Variants in EPHA5 observed in about 807,000 individuals in gnomAD.
EPHA5 encodes ephrin type-A receptor 5.
Under a neutral mutation model 105.0 loss-of-function variants are expected in EPHA5, and 60 were observed. The observed-to-expected ratio is 0.57, with a 90% CI of 0.46 to 0.71. The LOEUF (loss-of-function observed/expected upper bound fraction) is 0.71, where lower values mean the gene tolerates loss of function less well. Among genes scored for constraint, EPHA5 ranks in the 30% least tolerant of loss-of-function variants. The pLI is 0.00. For synonymous variants in EPHA5, 513 were observed against 449.1 expected (o/e 1.14, Z -1.80); for missense variants, 1,218 against 1,274.7 (o/e 0.96, Z 0.68).
intron 2 of EPHA5, among the ~76,000 whole-genome samples, chr4:65,636,539 A>C (rs1747136781): frequency 6.6e-6 from 1 of 152,052 alleles, no homozygotes; most frequent in South Asian, 2.1e-4. Context: ...TCATCTACAA[A>C]CAGAATATTA....
intron 2 of EPHA5, among the ~76,000 whole-genome samples, chr4:65,619,774 T>C (rs1745549842): frequency 6.6e-6 from 1 of 152,000 alleles, no homozygotes; most frequent in African/African-American, 2.4e-5. Context: ...TTCAATTTAA[T>C]GAAGTTATAC....
intron 8 of EPHA5, among the ~76,000 whole-genome samples, chr4:65,397,144 C>T (rs371980403): frequency 6.6e-6 from 1 of 152,184 alleles, no homozygotes; most frequent in East Asian, 1.9e-4. Flanking sequence ...GGAGACAGGT[C>T]ACTGCGTCCA....
intron 5 of EPHA5, among the ~76,000 whole-genome samples, chr4:65,479,344 T>C (rs1157922181): frequency 6.6e-6 from 1 of 152,112 alleles, no homozygotes; most frequent in Admixed American, 6.6e-5. Context: ...AACCAGAAAG[T>C]CCAGAGATTT....
chr4:65,615,284 T>C (rs997191474), intron 2 of EPHA5, among the ~76,000 whole-genome samples: 6 of 151,770 alleles, frequency 4.0e-5, no homozygotes, highest in African/African-American at 1.4e-4. Context: ...TTTAAAAACT[T>C]AGGTAGAAAT....
At chr4:65,549,212 T>A (rs1737660813) in intron 3 of EPHA5, among the ~76,000 whole-genome samples, 1 of 152,096 alleles carries the variant, frequency 6.6e-6, no homozygotes. Flanking sequence ...GGCCAGAAGA[T>A]AATAAAATGA....
In EPHA5 at chr4:65,456,913, T is replaced by C. The variant is rs539341748; in HGVS notation, c.1402+33464A>G. The stretch of plus-strand genomic sequence containing the variant: ...ATTAAAGTGCTTAGTGCCTGAAAAT[T>C]CATACCTCCAAGAGTTTATTTGCTA... On this transcript the variant is annotated intron_variant, in intron 5 of 16. Transcript: ENST00000613740. 4.6e-5 allele frequency among the ~76,000 whole-genome samples: 7 copies of C among 152,276 alleles called. No individual in the cohort carries two copies. The East Asian group carries it at 1.4e-3, about 29-fold the overall frequency.
chr4:65,591,437 T>A (rs1445563504), intron 3 of EPHA5, among the ~76,000 whole-genome samples: 1 of 151,990 alleles, frequency 6.6e-6, no homozygotes, highest in Non-Finnish European at 1.5e-5. Context: ...GGAGTATTTA[T>A]GCTAAAACTA....
At chr4:65,391,293 C>A (rs1720693090) in intron 8 of EPHA5, among the ~76,000 whole-genome samples, 1 of 152,100 alleles carries the variant, frequency 6.6e-6, no homozygotes, top group South Asian at 2.1e-4. Flanking sequence ...ATAACTATCA[C>A]AGCCATCAGC....
intron 5 of EPHA5, among the ~76,000 whole-genome samples, chr4:65,465,423 C>T (rs1431155189): frequency 6.9e-6 from 1 of 145,248 alleles, no homozygotes; most frequent in Non-Finnish European, 1.5e-5. Context: ...GAGACTCCAT[C>T]CCCCCACCCC....
In EPHA5 at chr4:65,669,551, C is replaced by T. The variant is rs1238766462; in HGVS notation, c.181+11G>A. ...CCCAGGTCGCCACGGTCCCCACCCCCATCTCCCTACCTTCGTTGCTGGGGC... is the reference window on the plus strand; with the variant it reads ...CCCAGGTCGCCACGGTCCCCACCCCTATCTCCCTACCTTCGTTGCTGGGGC... On this transcript the variant is annotated intron_variant, in intron 1 of 16. Transcript: ENST00000613740. The T allele has an allele frequency of 1.4e-6, 2 of 1,382,044 alleles. No individual in the cohort carries two copies. Among genetic ancestry groups the T allele is most frequent in the South Asian group, 2.0e-5 (1 of 51,058 alleles). 85.6% of individuals were successfully genotyped at this position (1,382,044 alleles called of 1,614,324 possible).
Position 65,353,028 on chromosome 4 carries a change from T to A in EPHA5, c.2235+14A>T. The A allele has an allele frequency of 6.7e-7, 1 of 1,496,792 alleles. No individual in the cohort carries two copies. Among genetic ancestry groups the A allele is most frequent in the Non-Finnish European group, 9.1e-7 (1 of 1,103,568 alleles). 92.7% of individuals were successfully genotyped at this position (1,496,792 alleles called of 1,614,324 possible). On this transcript the variant is annotated intron_variant, in intron 12 of 16. Transcript: ENST00000613740. ...AATAACACCTTGAATAACTAAATTA[T>A]TCCCCAATCCTACCTTCAAAAATGT...
chr4:65,651,390 C>A (rs1351580863), intron 1 of EPHA5, among the ~76,000 whole-genome samples: 1 of 152,216 alleles, frequency 6.6e-6, no homozygotes, highest in Admixed American at 6.5e-5. Flanking sequence ...GACATACTAA[C>A]TGATACAACT....
intron 9 of EPHA5, among the ~76,000 whole-genome samples, chr4:65,366,988 T>A (rs1717971548): frequency 6.6e-6 from 1 of 151,786 alleles, no homozygotes. Context: ...CCTGAGAAAT[T>A]TTATTTATTT....
intron 15 of EPHA5, among the ~76,000 whole-genome samples, chr4:65,334,311 C>T (rs1349224993): frequency 2.0e-5 from 3 of 151,840 alleles, no homozygotes; most frequent in Non-Finnish European, 4.4e-5. Context: ...TGATTTTTAG[C>T]CATTAGGCAT....
At chr4:65,398,167 C>T (rs899996930) in intron 8 of EPHA5, among the ~76,000 whole-genome samples, 1 of 152,174 alleles carries the variant, frequency 6.6e-6, no homozygotes, top group East Asian at 1.9e-4. Flanking sequence ...CTCAGAAGGG[C>T]CTGTTACCAC....
intron 5 of EPHA5, among the ~76,000 whole-genome samples, chr4:65,481,389 A>G (rs1184041787): frequency 2.0e-5 from 3 of 152,210 alleles, no homozygotes; most frequent in African/African-American, 4.8e-5. Flanking sequence ...AATCATGAGC[A>G]TTGGAATATT....
rs1743774548 is a variant in EPHA5, at chr4:65,601,918, A to G, written c.633T>C (p.Tyr211=). 1.9e-6 allele frequency: 3 copies of G among 1,614,190 alleles called. No homozygotes were observed. The highest frequency in any genetic ancestry group is 4.5e-5 in the East Asian group (2 of 44,882). Residue 211 remains tyrosine (Y), a synonymous_variant, in exon 3 of 17, where the codon TAT becomes TAC. Transcript: ENST00000613740. ...AAGCACCAACATCTTGAAAAGCAAG[A>G]TAAAATCCCTTTTTGCTTAGAGGTC... is the stretch of plus-strand genomic sequence containing the variant. The part of the protein sequence containing the change: ...DVGPLSKKGF[Y]LAFQDVGACI...
intron 3 of EPHA5, among the ~76,000 whole-genome samples, chr4:65,553,126 A>G (rs1410870811): frequency 6.6e-6 from 1 of 152,094 alleles, no homozygotes; most frequent in Non-Finnish European, 1.5e-5. Flanking sequence ...TGAGTGGGGT[A>G]GGTTTACAAT....
intron 1 of EPHA5, among the ~76,000 whole-genome samples, chr4:65,656,843 G>A (rs1169883597): frequency 1.3e-5 from 2 of 150,880 alleles, no homozygotes; most frequent in Admixed American, 6.6e-5. Context: ...CTCCCATCTA[G>A]AGGAAAATTT....
Sources: allele counts gnomAD v4.1 joint callset (sites outside exome capture counted in the v4.1 genomes callset), GRCh38; gene constraint gnomAD v4.1.1; transcripts MANE v1.5; gene names NCBI Gene and HGNC (gene_info 2026-07-23, HGNC 2026-07-21).